The following RTN4 variants were observed in gnomAD, a reference collection of about 807,000 sequenced individuals.
RTN4 encodes the protein reticulon-4.
Under a neutral mutation model 90.4 loss-of-function variants are expected in RTN4, and 32 were observed. The ratio of observed to expected loss-of-function variants is 0.35; its 90% CI spans 0.27 to 0.48. The LOEUF is 0.48. Among genes scored for constraint, RTN4 ranks in the 20% least tolerant of loss-of-function variants. The probability of loss-of-function intolerance (pLI) is 0.99; values close to 1 mark genes in which losing one functional copy is unlikely to be tolerated. For synonymous variants in RTN4, 629 were observed against 552.5 expected, an observed-to-expected ratio of 1.14 and a Z score of -1.94; for missense variants, 1,706 against 1,430.2, an observed-to-expected ratio of 1.19 and a Z score of -3.11.
At chr2:55,057,446 A>G (rs1192404531) in intron 2 of RTN4, among the ~76,000 whole-genome samples, 1 of 152,192 alleles carries the variant, frequency 6.6e-6, no homozygotes, top group Admixed American at 6.5e-5. Flanking sequence ...TGTATAAGGA[A>G]AGCACCTAGC....
chr2:55,103,335 A>G (rs2968816), intron 1 of RTN4, among the ~76,000 whole-genome samples: 149,482 of 151,932 alleles, frequency 0.98, 73,566 homozygotes, highest in Admixed American at 1. Context: ...AAATGGGGAG[A>G]TGATGATTAA....
intron 3 of RTN4, among the ~76,000 whole-genome samples, chr2:55,000,097 G>A (rs1179024472): frequency 5.3e-5 from 8 of 152,026 alleles, no homozygotes; most frequent in Admixed American, 6.6e-5. Flanking sequence ...TGAACACACT[G>A]GTACTAAAGC....
At chr2:55,043,593 A>T (rs1683215111) in intron 1 of RTN4, among the ~76,000 whole-genome samples, 1 of 152,092 alleles carries the variant, frequency 6.6e-6, no homozygotes, top group African/African-American at 2.4e-5. Context: ...TCTTTAAAAA[A>T]ATAAAAATAA....
At chr2:55,133,040 T>C in the RTN4 span, among the ~76,000 whole-genome samples, 3 of 144,614 alleles carry the variant, frequency 2.1e-5, no homozygotes, top group East Asian at 6.8e-4. Flanking sequence ...GATGAAACCG[T>C]GTCTCTACTA....
intron 3 of RTN4, among the ~76,000 whole-genome samples, chr2:55,020,642 T>C (rs1273625954): frequency 2.6e-5 from 4 of 152,178 alleles, no homozygotes; most frequent in African/African-American, 9.7e-5. Context: ...CAATACCTTA[T>C]TCATCTCTCT....
At chr2:55,096,216 C>A (rs1669031141) in intron 1 of RTN4, among the ~76,000 whole-genome samples, 1 of 152,078 alleles carries the variant, frequency 6.6e-6, no homozygotes, top group East Asian at 1.9e-4. Context: ...ATCCCAGGTA[C>A]TCAGGAGGCT....
intron 4 of RTN4, among the ~76,000 whole-genome samples, chr2:54,985,846 T>C (rs897843146): frequency 6.6e-6 from 1 of 152,236 alleles, no homozygotes; most frequent in African/African-American, 2.4e-5. Flanking sequence ...TTGCCACAAA[T>C]AGTTTTTTCC....
intron 1 of RTN4, among the ~76,000 whole-genome samples, chr2:55,048,078 A>G (rs538539983): frequency 4.3e-4 from 65 of 152,374 alleles, no homozygotes; most frequent in African/African-American, 1.5e-3. Flanking sequence ...CTCCTAGGCT[A>G]CTAACCTATA....
intron 1 of RTN4, among the ~76,000 whole-genome samples, chr2:55,033,831 A>G (rs1682497873): frequency 6.6e-6 from 1 of 152,240 alleles, no homozygotes; most frequent in African/African-American, 2.4e-5. Context: ...TGATCAAGTC[A>G]GAGTGACTGG....
At chr2:55,001,114 C>T (rs533115500) in intron 3 of RTN4, among the ~76,000 whole-genome samples, 4 of 151,950 alleles carry the variant, frequency 2.6e-5, no homozygotes, top group South Asian at 2.1e-4. Flanking sequence ...TATAAAGCAA[C>T]GAAAATACCA....
intron 3 of RTN4, among the ~76,000 whole-genome samples, chr2:55,013,813 G>C (rs1680829987): frequency 6.6e-6 from 1 of 151,942 alleles, no homozygotes; most frequent in African/African-American, 2.4e-5. Flanking sequence ...TTTTTGTTTT[G>C]CTTCGTTTTT....
the RTN4 span, among the ~76,000 whole-genome samples, chr2:55,119,606 A>G: frequency 1.3e-5 from 2 of 152,220 alleles, no homozygotes; most frequent in Non-Finnish European, 2.9e-5. Context: ...CTCTGGGCAG[A>G]GTGACCAGCC....
chr2:55,031,313 A>G (rs1291154424), intron 1 of RTN4, among the ~76,000 whole-genome samples: 1 of 152,222 alleles, frequency 6.6e-6, no homozygotes, highest in East Asian at 1.9e-4. Flanking sequence ...CTGAAGGCAC[A>G]TTCTGGTCTA....
chr2:55,003,670 T>G (rs865940825), intron 3 of RTN4, among the ~76,000 whole-genome samples: 43 of 152,332 alleles, frequency 2.8e-4, no homozygotes, highest in African/African-American at 1.0e-3. Flanking sequence ...AGGTTCCACA[T>G]CTGCGGATTC....
intron 1 of RTN4, among the ~76,000 whole-genome samples, chr2:55,092,808 G>A (rs1201938173): frequency 6.6e-6 from 1 of 152,212 alleles, no homozygotes; most frequent in Non-Finnish European, 1.5e-5. Flanking sequence ...GAAAGCAGAG[G>A]CCTCACACTA....
chr2:54,980,543 T>A (rs1009529547), intron 5 of RTN4, among the ~76,000 whole-genome samples: 3 of 152,240 alleles, frequency 2.0e-5, no homozygotes, highest in Non-Finnish European at 4.4e-5. Context: ...ATTGTAGACA[T>A]ATAGCTGCCT....
intron 2 of RTN4, among the ~76,000 whole-genome samples, chr2:55,065,582 T>G (rs1668375219): frequency 6.6e-6 from 1 of 152,110 alleles, no homozygotes. Context: ...TAAAAATGGT[T>G]TGCAATAAAA....
chr2:55,122,763 T>C, the RTN4 span, among the ~76,000 whole-genome samples: 7 of 152,132 alleles, frequency 4.6e-5, no homozygotes, highest in African/African-American at 1.7e-4. Context: ...AAACTCCACA[T>C]GGAAGCACAA....
Position 55,049,959 on chromosome 2 carries a change from C to T in RTN4, c.342G>A (p.Ser114=), listed in dbSNP as rs1199770533. 1.5e-6 allele frequency: 2 copies of T among 1,363,258 alleles called. No individual in the cohort carries two copies. The highest frequency in any genetic ancestry group is 1.5e-5 in the African/African-American group (1 of 65,292). 84.4% of individuals were successfully genotyped at this position (1,363,258 alleles called of 1,614,324 possible). A position where few individuals can be genotyped will look rare whatever the true frequency, so the allele number is the denominator to read the frequency against. ...RQPSWDPSPV[S]STVPAPSPLS... Reference sequence around the variant, plus strand: ...GCGGGGATGGCGCGGGCACGGTCGACGACACCGGGCTCGGGTCCCAAGACG... The same window carrying T: ...GCGGGGATGGCGCGGGCACGGTCGATGACACCGGGCTCGGGTCCCAAGACG... Residue 114 remains serine (S), a synonymous_variant, in exon 1 of 9, where the codon TCG becomes TCA. Coordinates refer to ENST00000337526, the MANE Select transcript of RTN4 (RefSeq NM_020532.5).
Sources: allele counts gnomAD v4.1 joint callset (sites outside exome capture counted in the v4.1 genomes callset), GRCh38; gene constraint gnomAD v4.1.1; transcripts MANE v1.5; gene names NCBI Gene and HGNC (gene_info 2026-07-23, HGNC 2026-07-21).